EFCAB8: variants seen among roughly 807,000 people sequenced by gnomAD.
EFCAB8 encodes EF-hand calcium-binding domain-containing protein 8.
EFCAB8 carries 100 observed loss-of-function variants against 116.3 expected under a neutral mutation model. The observed-to-expected ratio is 0.86, with a 90% CI of 0.73 to 1.02. The LOEUF (loss-of-function observed/expected upper bound fraction) is 1.02. EFCAB8 is among the 50% of genes least tolerant of loss of function. EFCAB8 has a pLI of 0.00. For missense variants in EFCAB8, 1,320 were observed against 1,416.9 expected (o/e 0.93, Z 1.10); for synonymous variants, 558 against 567.9 (o/e 0.98, Z 0.25).
At chr20:32,927,079 A>G (rs1987703315) in intron 20 of EFCAB8, among the ~76,000 whole-genome samples, 1 of 152,170 alleles carries the variant, frequency 6.6e-6, no homozygotes, top group Admixed American at 6.5e-5. Flanking sequence ...TTGGAGCCTA[A>G]AACTTTTGCA....
intron 8 of EFCAB8, 43 bp from the exon 9 acceptor site, chr20:32,893,131 G>T: frequency 1.9e-6 from 3 of 1,550,240 alleles, no homozygotes; most frequent in Non-Finnish European, 2.6e-6. Context: ...GTGAGCCACC[G>T]CGCCCAGCCC....
At chr20:32,888,067 TTTC>T (rs1296984706) in intron 6 of EFCAB8, among the ~76,000 whole-genome samples, 1 of 145,802 alleles carries the variant, frequency 6.9e-6, no homozygotes, top group Admixed American at 7.0e-5. Context: ...CCCCCTTTTC[TTTC>T]TTTTTTTTTT....
intron 10 of EFCAB8, 94 bp from the exon 11 acceptor site, chr20:32,898,399 C>T: frequency 3.1e-6 from 2 of 648,192 alleles, no homozygotes; most frequent in Non-Finnish European, 2.9e-6. Context: ...GATCTCTGGG[C>T]ACCTCCAGTC....
intron 20 of EFCAB8, among the ~76,000 whole-genome samples, chr20:32,927,581 G>A (rs1467337991): frequency 6.6e-6 from 1 of 152,176 alleles, no homozygotes; most frequent in Non-Finnish European, 1.5e-5. Flanking sequence ...CTGACCTCAG[G>A]TGATCCACCC....
intron 6 of EFCAB8, among the ~76,000 whole-genome samples, chr20:32,888,643 A>C (rs1179769903): frequency 6.6e-6 from 1 of 152,218 alleles, no homozygotes; most frequent in Non-Finnish European, 1.5e-5. Flanking sequence ...GGCGTGAGCC[A>C]CTGTGCCCTT....
chr20:32,942,072 C>A (rs1988426555), intron 22 of EFCAB8, among the ~76,000 whole-genome samples: 1 of 152,056 alleles, frequency 6.6e-6, no homozygotes. Flanking sequence ...TTTTGCATTT[C>A]ATTAGCCTGT....
chr20:32,868,198 A>G (rs1042542075), intron 3 of EFCAB8, among the ~76,000 whole-genome samples: 1 of 152,138 alleles, frequency 6.6e-6, no homozygotes, highest in African/African-American at 2.4e-5. Context: ...AGCTGAAACT[A>G]CAGGCACATG....
chr20:32,926,884 C>T, intron 20 of EFCAB8, among the ~76,000 whole-genome samples: 1 of 146,994 alleles, frequency 6.8e-6, no homozygotes, highest in Admixed American at 6.9e-5. Context: ...TGTATATGTG[C>T]CACATTTTCT....
intron 18 of EFCAB8, 101 bp downstream of exon 18, chr20:32,917,606 G>T (rs1361993253): frequency 3.8e-6 from 5 of 1,333,202 alleles, no homozygotes; most frequent in African/African-American, 2.9e-5. Flanking sequence ...AAGCAGGAGG[G>T]ATGATGGCGA....
intron 11 of EFCAB8, among the ~76,000 whole-genome samples, chr20:32,901,944 C>G (rs543866835): frequency 2.0e-5 from 3 of 152,270 alleles, no homozygotes; most frequent in Middle Eastern, 3.4e-3. Flanking sequence ...CCTCGGCCTC[C>G]CAAAGTGCTG....
chr20:32,890,002 A>T (rs1414282527), intron 7 of EFCAB8, among the ~76,000 whole-genome samples: 598 of 38,154 alleles, frequency 0.016, 3 homozygotes, highest in African/African-American at 0.027. Context: ...CTCAGTCTTA[A>T]AAAAAAAAAA....
chr20:32,918,667 A>T (rs960264554), intron 19 of EFCAB8, 93 bp downstream of exon 19: 13 of 1,314,614 alleles, frequency 9.9e-6, no homozygotes, highest in Non-Finnish European at 1.3e-5. Context: ...ATTGGGATGT[A>T]CTTTTTCCAA....
chr20:32,897,908 G>T (rs553244714), intron 10 of EFCAB8, among the ~76,000 whole-genome samples: 3 of 152,156 alleles, frequency 2.0e-5, no homozygotes, highest in South Asian at 2.1e-4. Context: ...TTCCATTCTC[G>T]TCACAGAGAG....
intron 13 of EFCAB8, 62 bp downstream of exon 13, chr20:32,907,056 A>G: frequency 1.4e-6 from 2 of 1,455,402 alleles, no homozygotes; most frequent in Non-Finnish European, 1.8e-6. Context: ...GGCCAGAGAA[A>G]TGGCATGACC....
intron 11 of EFCAB8, among the ~76,000 whole-genome samples, chr20:32,904,537 G>A (rs1032955799): frequency 4.0e-5 from 6 of 151,650 alleles, no homozygotes; most frequent in African/African-American, 1.5e-4. Context: ...GGCCTCAAGG[G>A]ATCCTCCTGC....
At chr20:32,892,637 G>A (rs1985972578) in intron 8 of EFCAB8, among the ~76,000 whole-genome samples, 1 of 152,060 alleles carries the variant, frequency 6.6e-6, no homozygotes, top group Non-Finnish European at 1.5e-5. Flanking sequence ...GGAGGACTAG[G>A]GATTCATTTA....
At chr20:32,888,877 C>T (rs558092528) in intron 6 of EFCAB8, among the ~76,000 whole-genome samples, 1 of 151,588 alleles carries the variant, frequency 6.6e-6, no homozygotes, top group East Asian at 1.9e-4. Context: ...TGAGTAGGTG[C>T]AAACACACCC....
At chr20:32,931,032 C>T in intron 21 of EFCAB8, 146 bp from the exon 22 acceptor site, 1 of 691,552 alleles carries the variant, frequency 1.4e-6, no homozygotes, top group Non-Finnish European at 2.4e-6. Context: ...CCTTTCTGGC[C>T]CTAGTGGTGA....
At position 32,959,944 on chromosome 20, in the gene EFCAB8, G is replaced by A. The variant is rs2146308503; in HGVS notation, c.3256G>A (p.Glu1086Lys). ...WAGERPLEDI[E>K]DSWNKWESRD... ...CGGAGAGCGCCCCCTGGAAGACATT[G>A]AGGACAGCTGGAACAAGTGGGAGTC... The change falls in exon 25 of 27, where the codon GAG (glutamate) becomes AAG (lysine). Residue 1086 changes from glutamate (E) to lysine (K), a missense_variant. By Grantham distance (56) the Glu-to-Lys change is moderately conservative. Transcript: ENST00000400522. 1.3e-6 allele frequency: 2 copies of A among 1,551,704 alleles called. No individual in the cohort carries two copies. The highest frequency in any genetic ancestry group is 3.3e-4 in the Middle Eastern group (2 of 5,994).
Sources: gnomAD v4.1 joint callset for allele counts (sites outside exome capture counted in the v4.1 genomes callset) on GRCh38, gnomAD v4.1.1 for gene constraint, MANE v1.5 for transcripts, NCBI Gene and HGNC (gene_info 2026-07-23, HGNC 2026-07-21) for gene names.